The following PCDHGA1 variants were observed in gnomAD, a reference collection of about 807,000 sequenced individuals.
PCDHGA1 encodes protocadherin gamma-A1.
A neutral mutation model predicts 58.0 loss-of-function variants in PCDHGA1; 32 were observed. The ratio of observed to expected loss-of-function variants is 0.55; its 90% CI spans 0.42 to 0.74. The LOEUF (loss-of-function observed/expected upper bound fraction) is 0.74, where lower values mean the gene tolerates loss of function less well. PCDHGA1 is among the 30% of genes least tolerant of loss of function. PCDHGA1 has a pLI of 0.00. For synonymous variants in PCDHGA1, 498 were observed against 501.1 expected (o/e 0.99, Z 0.08); for missense variants, 1,205 against 1,182.3 (o/e 1.02, Z -0.28).
At chr5:141,418,015 G>T (rs1385008648) in intron 1 of PCDHGA1, 1 of 1,613,964 alleles carries the variant, frequency 6.2e-7, no homozygotes, top group Non-Finnish European at 8.5e-7. Context: ...ACCTCGCTAA[G>T]GATCTAGGGC....
chr5:141,474,321 A>G (rs75620387), intron 1 of PCDHGA1, among the ~76,000 whole-genome samples: 2,046 of 152,326 alleles, frequency 0.013, 15 homozygotes, highest in Middle Eastern at 0.034. Context: ...GTGTTTTCAA[A>G]TCACCCTGAT....
chr5:141,357,722 C>A, intron 1 of PCDHGA1: 1 of 1,415,030 alleles, frequency 7.1e-7, no homozygotes, highest in Non-Finnish European at 9.5e-7. Context: ...AAAGTTGCCT[C>A]TTTTAATATT....
At chr5:141,340,423 T>C in intron 1 of PCDHGA1, 2 of 1,614,196 alleles carry the variant, frequency 1.2e-6, no homozygotes, top group Non-Finnish European at 1.7e-6. Context: ...GCAACGACAA[T>C]GCTCATGTAA....
chr5:141,492,274 A>C (rs2099739010), intron 1 of PCDHGA1, among the ~76,000 whole-genome samples: 1 of 152,024 alleles, frequency 6.6e-6, no homozygotes, highest in Non-Finnish European at 1.5e-5. Flanking sequence ...CGGGCTCGCC[A>C]CGCCCCGCCA....
chr5:141,490,549 C>T lies in PCDHGA1; in HGVS notation c.2422-4258C>T, dbSNP rs2099701539. ...TGCTGGTTCACCTTCCCTACACAAA[C>T]ATCTCACCATCAGGCTCAACATTTC... On this transcript the variant is annotated intron_variant, in intron 1 of 3. Transcript: ENST00000517417. The surrounding 1 kb of genome is among the most constrained non-coding windows in gnomAD (Gnocchi z 5.4). The T allele has an allele frequency of 1.9e-6, 3 of 1,614,178 alleles. No homozygotes were observed. The highest frequency in any genetic ancestry group is 1.7e-6 in the Non-Finnish European group (2 of 1,180,024).
intron 1 of PCDHGA1, chr5:141,392,678 G>A: frequency 1.1e-6 from 1 of 941,110 alleles, no homozygotes; most frequent in Non-Finnish European, 1.5e-6. Flanking sequence ...CTGCTGGACT[G>A]CAGCGAAACC....
intron 1 of PCDHGA1, chr5:141,409,728 C>T: frequency 6.2e-7 from 1 of 1,613,134 alleles, no homozygotes; most frequent in Non-Finnish European, 8.5e-7. Flanking sequence ...TCAGTGAGCG[C>T]GCAGAGCGGG....
intron 1 of PCDHGA1, chr5:141,394,909 C>A (rs1349151273): frequency 1.9e-6 from 3 of 1,613,418 alleles, no homozygotes; most frequent in East Asian, 4.5e-5. Context: ...GCAGTGGCTG[C>A]CATCTCCTGT....
intron 1 of PCDHGA1, among the ~76,000 whole-genome samples, chr5:141,368,006 C>A (rs975093314): frequency 1.3e-5 from 2 of 152,188 alleles, no homozygotes; most frequent in African/African-American, 2.4e-5. Flanking sequence ...TAATGAAATA[C>A]TGGCCTATGT....
At chr5:141,375,427 C>T in intron 1 of PCDHGA1, 2 of 1,613,978 alleles carry the variant, frequency 1.2e-6, no homozygotes, top group Non-Finnish European at 1.7e-6. Flanking sequence ...CCAACGACAA[C>T]CCGCCCACCT....
chr5:141,422,040 C>A, intron 1 of PCDHGA1: 1 of 1,611,442 alleles, frequency 6.2e-7, no homozygotes, highest in Non-Finnish European at 8.5e-7. Context: ...CGGATCCAGA[C>A]GAGGGAATCA....
chr5:141,404,617 G>A (rs760355068), intron 1 of PCDHGA1: 4 of 1,614,032 alleles, frequency 2.5e-6, no homozygotes, highest in Non-Finnish European at 2.5e-6. Flanking sequence ...TTTTGGACCA[G>A]AATGACAATG....
chr5:141,366,437 G>A lies in PCDHGA1; in HGVS notation c.2421+33332G>A, dbSNP rs201380639. The A allele has an allele frequency of 4.0e-4, 649 of 1,614,042 alleles. No individual in the cohort carries two copies. The highest frequency in any genetic ancestry group is 4.5e-4 in the Non-Finnish European group (535 of 1,180,064). ...GGTGGCAGTGGCTGCAGTCTCCTGC[G>A]TCTTCCTGGCCTTCGTCATCGTGCT... is the stretch of plus-strand genomic sequence containing the variant. On this transcript the variant is annotated intron_variant, in intron 1 of 3. Coordinates refer to ENST00000517417, the MANE Select transcript of PCDHGA1 (RefSeq NM_018912.3).
rs200604016 is a variant in PCDHGA1, at chr5:141,345,466, A to T, written c.2421+12361A>T. On this transcript the variant is annotated intron_variant, in intron 1 of 3. Transcript: ENST00000517417. ...TCCATCTTCTCAGTGACAGCCCAGG[A>T]CCCAGATAGCAACAACAACGCCCGC... The T allele has an allele frequency of 8.5e-4, 1,364 of 1,614,074 alleles. 3 individuals carry two copies. The highest frequency in any genetic ancestry group is 1.0e-3 in the Non-Finnish European group (1,222 of 1,180,008).
chr5:141,509,320 C>T (rs1261653347), intron 3 of PCDHGA1, among the ~76,000 whole-genome samples: 2 of 152,194 alleles, frequency 1.3e-5, no homozygotes, highest in East Asian at 3.8e-4. Flanking sequence ...GGGAGAGAAG[C>T]TCTACTGCCA....
chr5:141,495,918 T>C (rs2099764622), intron 2 of PCDHGA1, among the ~76,000 whole-genome samples: 1 of 152,184 alleles, frequency 6.6e-6, no homozygotes, highest in African/African-American at 2.4e-5. Flanking sequence ...ATATCTTTCT[T>C]TGTCTCTGTC....
At chr5:141,375,722 T>TCA (rs1339196797) in intron 1 of PCDHGA1, 5 of 1,614,260 alleles carry the variant, frequency 3.1e-6, no homozygotes, top group African/African-American at 2.7e-5. Context: ...CAGCAACGTG[T>TCA]CACTGAGCCT....
intron 1 of PCDHGA1, among the ~76,000 whole-genome samples, chr5:141,348,371 C>T (rs535633388): frequency 6.6e-6 from 1 of 152,178 alleles, no homozygotes; most frequent in South Asian, 2.1e-4. Context: ...GACTTTGAGA[C>T]CTACTTGGGC....
chr5:141,379,173 A>G (rs556120661), intron 1 of PCDHGA1: 5 of 152,374 alleles, frequency 3.3e-5, no homozygotes, highest in Non-Finnish European at 1.5e-5. Context: ...CTTCTTAAAG[A>G]TAACATTGAG....
Sources: gnomAD v4.1 joint callset for allele counts (sites outside exome capture counted in the v4.1 genomes callset) on GRCh38, gnomAD v4.1.1 for gene constraint, Gnocchi (gnomAD v3.1) non-coding constraint, MANE v1.5 for transcripts, NCBI Gene and HGNC (gene_info 2026-07-23, HGNC 2026-07-21) for gene names.